ZDHHC17: variants seen among roughly 807,000 people sequenced by gnomAD.
ZDHHC17 encodes the protein palmitoyltransferase ZDHHC17.
Under a neutral mutation model 90.3 loss-of-function variants are expected in ZDHHC17, and 40 were observed. That is an observed-to-expected ratio of 0.44 (90% CI 0.34 to 0.58). The LOEUF (loss-of-function observed/expected upper bound fraction) is 0.58, where lower values mean the gene tolerates loss of function less well. Ranked by LOEUF, ZDHHC17 falls within the 20% of genes least tolerant of loss-of-function variation. ZDHHC17 has a pLI of 0.01. For missense variants in ZDHHC17, 614 were observed against 780.8 expected (o/e 0.79, Z 2.55); for synonymous variants, 235 against 252.4 (o/e 0.93, Z 0.65).
At position 76,781,461 on chromosome 12, in the gene ZDHHC17, G is replaced by C. The variant is rs73391808; in HGVS notation, c.94-15973G>C. ...GTATTAAGAGGTGGGACTGCTGAGAGGTGATTAGGCTAAGAGGGCTCTGCC... is the reference window on the plus strand; with the variant it reads ...GTATTAAGAGGTGGGACTGCTGAGACGTGATTAGGCTAAGAGGGCTCTGCC... On this transcript the variant is annotated intron_variant, in intron 1 of 16. Transcript: ENST00000426126. Among the ~76,000 whole-genome samples, 1,354 of 152,330 alleles carry C rather than the reference G, an allele frequency of 8.9e-3. 16 individuals are homozygous for C. Among genetic ancestry groups the C allele is most frequent in the African/African-American group, 0.031 (1,288 of 41,576 alleles).
chr12:76,811,151 A>G (rs1953014154), intron 5 of ZDHHC17, among the ~76,000 whole-genome samples: 1 of 116,510 alleles, frequency 8.6e-6, no homozygotes, highest in African/African-American at 3.1e-5. Flanking sequence ...AAAGTGAGTT[A>G]ACAAGGGCCA....
intron 10 of ZDHHC17, among the ~76,000 whole-genome samples, chr12:76,841,542 A>G (rs1409580355): frequency 6.6e-6 from 1 of 152,122 alleles, no homozygotes; most frequent in Non-Finnish European, 1.5e-5. Flanking sequence ...TCTGAAATCA[A>G]TTTCAGTGTG....
At chr12:76,799,293 G>C (rs1233805757) in intron 2 of ZDHHC17, among the ~76,000 whole-genome samples, 1 of 152,074 alleles carries the variant, frequency 6.6e-6, no homozygotes, top group Non-Finnish European at 1.5e-5. Context: ...TATGCCAGTA[G>C]GTCAACTAAG....
At chr12:76,819,754 T>C (rs1383333676) in intron 7 of ZDHHC17, among the ~76,000 whole-genome samples, 1 of 152,156 alleles carries the variant, frequency 6.6e-6, no homozygotes, top group Non-Finnish European at 1.5e-5. Flanking sequence ...CCCAGCACTT[T>C]GGGAGGCTGA....
intron 13 of ZDHHC17, 47 bp downstream of exon 13, chr12:76,845,849 T>TA: frequency 9.6e-7 from 1 of 1,045,566 alleles, no homozygotes; most frequent in Non-Finnish European, 1.5e-6. Flanking sequence ...TTAAGTTACT[T>TA]TAGGTAATGA....
intron 8 of ZDHHC17, among the ~76,000 whole-genome samples, chr12:76,823,722 C>T (rs1953193803): frequency 6.6e-6 from 1 of 152,122 alleles, no homozygotes; most frequent in Non-Finnish European, 1.5e-5. Context: ...AGCAGTGCCT[C>T]CTTTATTTAT....
In ZDHHC17 at chr12:76,768,938, C is replaced by T. The variant is rs766297111; in HGVS notation, c.93+4609C>T. 3.0e-4 allele frequency: 51 copies of T among 168,996 alleles called. No homozygotes were observed. In the Middle Eastern group the frequency reaches 3.2e-3, roughly 11 times the overall value. 10.5% of individuals were successfully genotyped at this position (168,996 alleles called of 1,614,324 possible). A position where few individuals can be genotyped will look rare whatever the true frequency, so the allele number is the denominator to read the frequency against. ...ATTTTCGTCTCTCTTTTTATGGTAA[C>T]GTTTTTTATTTCACATTCATTTTAT... On this transcript the variant is annotated intron_variant, in intron 1 of 16. Coordinates refer to ENST00000426126, the MANE Select transcript of ZDHHC17 (RefSeq NM_015336.4).
intron 7 of ZDHHC17, chr12:76,821,114 G>A: frequency 7.8e-7 from 1 of 1,288,114 alleles, no homozygotes; most frequent in Middle Eastern, 2.1e-4. Flanking sequence ...CTGGACCGAG[G>A]CAACTGCAGG....
rs1335672327 is a variant in ZDHHC17 at position 76,796,361 on chromosome 12, TA to T, written c.94-1069del. On this transcript the variant is annotated intron_variant, in intron 1 of 16. Coordinates refer to ENST00000426126, the MANE Select transcript of ZDHHC17 (RefSeq NM_015336.4). ...CAAACTCAGTTTTTCAGTTTTTATA[TA>T]AAAGAAACAATTGTATTTTAGTGCT... Among the ~76,000 whole-genome samples the T allele has an allele frequency of 3.3e-5, 5 of 152,268 alleles. No individual in the cohort carries two copies. The East Asian group carries it at 9.6e-4, about 29-fold the overall frequency.
intron 1 of ZDHHC17, among the ~76,000 whole-genome samples, chr12:76,793,785 A>G (rs866328825): frequency 3.3e-5 from 5 of 152,244 alleles, no homozygotes; most frequent in East Asian, 3.8e-4. Context: ...AAAAGTTACA[A>G]TGACACACAT....
chr12:76,796,223 C>T (rs1952817982), intron 1 of ZDHHC17, among the ~76,000 whole-genome samples: 1 of 152,080 alleles, frequency 6.6e-6, no homozygotes, highest in South Asian at 2.1e-4. Context: ...ATATATTGTT[C>T]TAAGGATTTC....
intron 7 of ZDHHC17, 87 bp from the exon 8 acceptor site, chr12:76,822,319 A>G: frequency 1.3e-6 from 2 of 1,522,488 alleles, no homozygotes; most frequent in Admixed American, 2.0e-5. Flanking sequence ...AGGGCAGTAA[A>G]TTAATTTTTA....
rs758530311 is a variant in ZDHHC17, at chr12:76,842,074, A to T, written c.1234A>T (p.Ile412Phe). 1.0e-5 allele frequency: 16 copies of T among 1,592,830 alleles called. No individual in the cohort carries two copies. In the East Asian group the frequency reaches 3.7e-4, roughly 37 times the overall value. Residue 412 changes from isoleucine to phenylalanine, a missense_variant, in exon 11 of 17, where the codon ATT (isoleucine) becomes TTT (phenylalanine). This residue lies in a region of ZDHHC17 where 117 missense variants were observed against 183.6 expected (regional missense o/e 0.64). Transcript: ENST00000426126. ...FGKSWKSDPG[I>F]IKATEEQKKK... ...AAAATCTTGGAAATCAGATCCAGGG[A>T]TTATTAAAGCAACAGAAGAGCAAAA...
At chr12:76,800,051 T>C (rs1183832597) in intron 2 of ZDHHC17, among the ~76,000 whole-genome samples, 3 of 152,194 alleles carry the variant, frequency 2.0e-5, no homozygotes, top group Admixed American at 6.5e-5. Context: ...TATCATGTGC[T>C]CAAAAAGTTT....
At chr12:76,820,692 A>T (rs780406556) in intron 7 of ZDHHC17, among the ~76,000 whole-genome samples, 1 of 152,114 alleles carries the variant, frequency 6.6e-6, no homozygotes, top group African/African-American at 2.4e-5. Context: ...CCAAGGAAAA[A>T]TTTTTTTAAA....
At chr12:76,850,515 C>T (rs755443682) in intron 16 of ZDHHC17, among the ~76,000 whole-genome samples, 3 of 151,702 alleles carry the variant, frequency 2.0e-5, no homozygotes, top group Non-Finnish European at 4.4e-5. Flanking sequence ...GCCCAGAGTT[C>T]GAGGCCAGGC....
chr12:76,809,022 A>G, intron 3 of ZDHHC17, 21 bp from the exon 4 acceptor site: 1 of 1,401,566 alleles, frequency 7.1e-7, no homozygotes, highest in Non-Finnish European at 9.4e-7. Context: ...TATTTAAATT[A>G]TTATAAATTT....
intron 1 of ZDHHC17, among the ~76,000 whole-genome samples, chr12:76,790,128 C>T (rs1375393331): frequency 6.6e-6 from 1 of 151,988 alleles, no homozygotes; most frequent in Non-Finnish European, 1.5e-5. Flanking sequence ...TTTTGTAAAT[C>T]TAGACCTCTT....
chr12:76,810,715 G>T (rs571707299), intron 5 of ZDHHC17, among the ~76,000 whole-genome samples: 238 of 149,110 alleles, frequency 1.6e-3, no homozygotes, highest in South Asian at 9.1e-3. Context: ...GGGAGGGGGG[G>T]TTATTGTCTG....
Sources: allele counts gnomAD v4.1 joint callset (sites outside exome capture counted in the v4.1 genomes callset), GRCh38; gene constraint gnomAD v4.1.1; regional missense constraint gnomAD v4.1.1; transcripts MANE v1.5; gene names NCBI Gene and HGNC (gene_info 2026-07-23, HGNC 2026-07-21).